PTPN4: variants seen among roughly 807,000 people sequenced by gnomAD.
PTPN4 encodes the protein protein tyrosine phosphatase non-receptor type 4.
A neutral mutation model predicts 135.5 loss-of-function variants in PTPN4; 49 were observed. The observed-to-expected ratio is 0.36, with a 90% confidence interval of 0.29 to 0.46. The LOEUF is 0.46. PTPN4 is among the 20% of genes least tolerant of loss of function. PTPN4 has a pLI of 1.00. For missense variants in PTPN4, 860 were observed against 1,101.0 expected, an observed-to-expected ratio of 0.78 and a Z score of 3.10; for synonymous variants, 333 against 369.9, an observed-to-expected ratio of 0.90 and a Z score of 1.14.
At chr2:119,906,518 C>A (rs1678491258) in intron 10 of PTPN4, among the ~76,000 whole-genome samples, 1 of 152,174 alleles carries the variant, frequency 6.6e-6, no homozygotes, top group African/African-American at 2.4e-5. Context: ...ATACAAATAT[C>A]AGTAAGTGAA....
At chr2:119,895,709 CAGG>C (rs2105011710) in intron 9 of PTPN4, among the ~76,000 whole-genome samples, 1 of 152,222 alleles carries the variant, frequency 6.6e-6, no homozygotes, top group East Asian at 1.9e-4. Flanking sequence ...ATCACGAGGT[CAGG>C]AGATCGAGAC....
chr2:119,862,416 C>A, intron 2 of PTPN4, 120 bp from the exon 3 acceptor site: 1 of 778,712 alleles, frequency 1.3e-6, no homozygotes, highest in Non-Finnish European at 2.0e-6. Context: ...ACACAAAAAA[C>A]GTTTGCTACC....
Position 119,862,516 on chromosome 2 carries a change from AT to A in PTPN4, c.139-5del, listed in dbSNP as rs746106466. 0.17 allele frequency: 210,942 copies of A among 1,233,542 alleles called. No homozygotes were observed. The highest frequency in any genetic ancestry group is 0.19 in the South Asian group (13,285 of 70,470). 76.4% of individuals were successfully genotyped at this position (1,233,542 alleles called of 1,614,324 possible). ...AACCTATCAAAGTTGATTTCATTCA[AT>A]TTTTTTTTTTTTTTACAGAAACATG... On this transcript the variant is annotated intron_variant, in intron 2 of 26. Transcript: ENST00000263708.
intron 10 of PTPN4, among the ~76,000 whole-genome samples, chr2:119,905,845 A>G (rs968458519): frequency 1.3e-5 from 2 of 152,176 alleles, no homozygotes; most frequent in Non-Finnish European, 2.9e-5. Flanking sequence ...AAATTAAACA[A>G]CACTCTCCTG....
intron 22 of PTPN4, 51 bp downstream of exon 22, chr2:119,957,128 A>G (rs1574420963): frequency 6.6e-7 from 1 of 1,504,176 alleles, no homozygotes; most frequent in East Asian, 2.3e-5. Context: ...ACGAGCCACT[A>G]TGAACTTTGA....
intron 1 of PTPN4, chr2:119,771,751 A>G (rs1200771826): frequency 6.6e-6 from 1 of 152,174 alleles, no homozygotes; most frequent in Non-Finnish European, 1.5e-5. Flanking sequence ...TTAGTTTGTC[A>G]ATGTGAAACT....
Position 119,760,116 on chromosome 2 carries a change from T to G in PTPN4, c.-286T>G, listed in dbSNP as rs1004433813. On this transcript the variant is annotated 5_prime_UTR_variant, in exon 1 of 27. Transcript: ENST00000263708. ...CCTCCCCCACGCACTTTTGGGGGTG[T>G]GGATTATCTCATCCCTGCAGGGAGG... 2.6e-6 allele frequency: 1 copy of G among 389,562 alleles called. No homozygotes were observed. Among genetic ancestry groups the G allele is most frequent in the African/African-American group, 2.1e-5 (1 of 48,196 alleles). 24.1% of individuals were successfully genotyped at this position (389,562 alleles called of 1,614,324 possible). A position where few individuals can be genotyped will look rare whatever the true frequency, so the allele number is the denominator to read the frequency against.
intron 19 of PTPN4, among the ~76,000 whole-genome samples, chr2:119,954,073 C>G (rs1385315351): frequency 6.6e-6 from 1 of 152,134 alleles, no homozygotes; most frequent in Non-Finnish European, 1.5e-5. Context: ...CTGTGTTTGC[C>G]AAGAATATAT....
chr2:119,926,772 A>T (rs969767159), intron 13 of PTPN4, 106 bp downstream of exon 13: 1 of 791,278 alleles, frequency 1.3e-6, no homozygotes, highest in African/African-American at 1.8e-5. Context: ...AATATTTCAA[A>T]TTTTTGATTA....
At chr2:119,830,279 A>C (rs1302773315) in intron 2 of PTPN4, among the ~76,000 whole-genome samples, 2 of 152,242 alleles carry the variant, frequency 1.3e-5, no homozygotes, top group South Asian at 4.1e-4. Context: ...TTGAAATGAT[A>C]ATTGATATGG....
chr2:119,959,930 A>C (rs1558775591), intron 22 of PTPN4, among the ~76,000 whole-genome samples: 1 of 152,172 alleles, frequency 6.6e-6, no homozygotes, highest in Non-Finnish European at 1.5e-5. Context: ...TAAAAGAATG[A>C]AATTTTATTT....
intron 2 of PTPN4, among the ~76,000 whole-genome samples, chr2:119,852,183 A>G (rs1200825883): frequency 6.6e-6 from 1 of 152,182 alleles, no homozygotes; most frequent in African/African-American, 2.4e-5. Flanking sequence ...TAAGTTGTAA[A>G]TCAACCCTAC....
intron 2 of PTPN4, among the ~76,000 whole-genome samples, chr2:119,826,659 T>C (rs1422645340): frequency 2.6e-5 from 4 of 152,190 alleles, no homozygotes; most frequent in Admixed American, 2.0e-4. Context: ...ATACAAAATA[T>C]TGACAGTGTC....
chr2:119,782,120 A>T (rs1435352045), intron 1 of PTPN4, among the ~76,000 whole-genome samples: 1 of 152,198 alleles, frequency 6.6e-6, no homozygotes, highest in Non-Finnish European at 1.5e-5. Flanking sequence ...TTTAAATTAA[A>T]TATAAAAAAT....
intron 2 of PTPN4, among the ~76,000 whole-genome samples, chr2:119,822,799 T>G (rs893130849): frequency 6.6e-6 from 1 of 152,196 alleles, no homozygotes; most frequent in African/African-American, 2.4e-5. Flanking sequence ...ACATTTTCAG[T>G]CCATCACATT....
chr2:119,959,235 T>A (rs1196860926), intron 22 of PTPN4, among the ~76,000 whole-genome samples: 2 of 103,808 alleles, frequency 1.9e-5, no homozygotes, highest in Non-Finnish European at 4.7e-5. Flanking sequence ...ATATCTCTGA[T>A]AAGGCCTTTT....
intron 3 of PTPN4, among the ~76,000 whole-genome samples, chr2:119,872,931 T>C (rs1332136080): frequency 6.6e-6 from 1 of 152,196 alleles, no homozygotes; most frequent in Non-Finnish European, 1.5e-5. Flanking sequence ...GTCCAAATTA[T>C]ATTTTCTTTA....
At chr2:119,761,697 A>G (rs545535161) in intron 1 of PTPN4, among the ~76,000 whole-genome samples, 15 of 152,320 alleles carry the variant, frequency 9.8e-5, no homozygotes, top group African/African-American at 3.4e-4. Context: ...GTCCCATAGT[A>G]TCATAATCTT....
chr2:119,766,492 G>T (rs1310733298), intron 1 of PTPN4, among the ~76,000 whole-genome samples: 2 of 143,764 alleles, frequency 1.4e-5, no homozygotes, highest in African/African-American at 5.3e-5. Flanking sequence ...GTCTGTGTGT[G>T]TGTGTGTGTG....
Sources: allele counts gnomAD v4.1 joint callset (sites outside exome capture counted in the v4.1 genomes callset), GRCh38; gene constraint gnomAD v4.1.1; transcripts MANE v1.5; gene names NCBI Gene and HGNC (gene_info 2026-07-23, HGNC 2026-07-21).